Variants in SCN11A observed in about 807,000 individuals in gnomAD.
SCN11A encodes the protein sodium voltage-gated channel alpha subunit 11, also known as sodium channel protein type 11 subunit alpha.
Under a neutral mutation model 162.2 loss-of-function variants are expected in SCN11A, and 122 were observed. The observed-to-expected ratio is 0.75, with a 90% CI of 0.65 to 0.87. SCN11A has a LOEUF of 0.87. Ranked by LOEUF, SCN11A falls within the 40% of genes least tolerant of loss-of-function variation. SCN11A has a pLI of 0.00. For missense variants in SCN11A, 2,015 were observed against 2,181.6 expected (o/e 0.92, Z 1.52); for synonymous variants, 758 against 751.5 (o/e 1.01, Z -0.14).
chr3:38,886,783 T>C (rs1445185348), intron 19 of SCN11A, among the ~76,000 whole-genome samples: 1 of 151,920 alleles, frequency 6.6e-6, no homozygotes, highest in African/African-American at 2.4e-5. Context: ...TAAAGAAAAA[T>C]AATAAAACAT....
intron 14 of SCN11A, among the ~76,000 whole-genome samples, chr3:38,906,985 T>G (rs1175250497): frequency 1.3e-5 from 2 of 152,094 alleles, no homozygotes; most frequent in Non-Finnish European, 1.5e-5. Flanking sequence ...TTCTCCTGCT[T>G]GCCTTCGCTT....
rs1217474676 is a variant in SCN11A, at chr3:38,886,185, A to G, written c.2889T>C (p.Ser963=). 1.2e-6 allele frequency: 2 copies of G among 1,612,932 alleles called. No individual in the cohort carries two copies. The highest frequency in any genetic ancestry group is 2.7e-5 in the African/African-American group (2 of 74,892). ...NKKPTSQRVQ[S]VEIDMFSEDE... is the part of the protein sequence containing the mutation. ...CTTCAGAGAACATGTCAATTTCCACACTTTGAACTCTCTGGCTCGTGGGCT... is the reference window on the plus strand; with the variant it reads ...CTTCAGAGAACATGTCAATTTCCACGCTTTGAACTCTCTGGCTCGTGGGCT... Residue 963 remains serine (S), a synonymous_variant, in exon 20 of 30, where the codon AGT becomes AGC. Coordinates refer to ENST00000302328, the MANE Select transcript of SCN11A (RefSeq NM_001349253.2).
intron 20 of SCN11A, 152 bp from the exon 21 acceptor site, chr3:38,885,554 C>T (rs931193619): frequency 6.7e-6 from 4 of 600,722 alleles, no homozygotes; most frequent in Admixed American, 2.9e-5. Flanking sequence ...ACCCCTCCTG[C>T]TGGGTCCTTT....
At chr3:38,940,191 T>A (rs1402983378) in intron 7 of SCN11A, among the ~76,000 whole-genome samples, 1 of 151,846 alleles carries the variant, frequency 6.6e-6, no homozygotes, top group East Asian at 1.9e-4. Flanking sequence ...TTGTGGAAGA[T>A]CTGTATGAAG....
chr3:38,985,252 C>T (rs1422318475), intron 2 of SCN11A, among the ~76,000 whole-genome samples: 1 of 147,736 alleles, frequency 6.8e-6, no homozygotes, highest in African/African-American at 2.6e-5. Context: ...CTTAGCCTCC[C>T]GAGTAGCTGG....
intron 16 of SCN11A, among the ~76,000 whole-genome samples, chr3:38,901,875 CA>C (rs1444422011): frequency 5.3e-5 from 8 of 152,182 alleles, no homozygotes; most frequent in Non-Finnish European, 8.8e-5. Flanking sequence ...ACTTGGAAAA[CA>C]ACAATGTCCC....
intron 3 of SCN11A, among the ~76,000 whole-genome samples, chr3:38,955,192 G>T (rs527646566): frequency 2.6e-5 from 4 of 152,250 alleles, no homozygotes; most frequent in African/African-American, 7.2e-5. Flanking sequence ...GGAGGCTGAG[G>T]CACAAGAATC....
chr3:38,899,074 G>T (rs943020313), intron 17 of SCN11A, among the ~76,000 whole-genome samples: 7 of 151,950 alleles, frequency 4.6e-5, no homozygotes, highest in African/African-American at 1.5e-4. Flanking sequence ...AACTGAATGA[G>T]GTGTCTTACT....
intron 23 of SCN11A, among the ~76,000 whole-genome samples, chr3:38,875,471 A>G (rs976188811): frequency 1.3e-5 from 2 of 152,118 alleles, no homozygotes; most frequent in African/African-American, 4.8e-5. Flanking sequence ...GAGTCATCCA[A>G]AAAACTCCTA....
intron 2 of SCN11A, among the ~76,000 whole-genome samples, chr3:38,969,951 C>G (rs1029834044): frequency 6.6e-6 from 1 of 151,230 alleles, no homozygotes; most frequent in Non-Finnish European, 1.5e-5. Context: ...GGCTTGCCTG[C>G]CCCTGTGGCC....
chr3:38,939,015 A>C (rs904291501), intron 7 of SCN11A, among the ~76,000 whole-genome samples: 1 of 152,036 alleles, frequency 6.6e-6, no homozygotes, highest in Non-Finnish European at 1.5e-5. Flanking sequence ...TCTACTAAAA[A>C]TACAAAAATT....
intron 7 of SCN11A, among the ~76,000 whole-genome samples, chr3:38,939,843 T>C (rs1023054913): frequency 1.3e-5 from 2 of 150,382 alleles, no homozygotes; most frequent in East Asian, 3.9e-4. Flanking sequence ...GAGGAGGTTG[T>C]GGTGAGCCAA....
rs1367810255 is a variant in SCN11A, at chr3:39,041,022, C to T, written c.-403-8519G>A. Among the ~76,000 whole-genome samples the T allele has an allele frequency of 2.0e-5, 3 of 152,160 alleles. No individual in the cohort carries two copies. In the East Asian group the frequency reaches 5.8e-4, roughly 29 times the overall value. Reference sequence around the variant, plus strand: ...GTGTGAACCCGGGAGGAGAAGCTTGCAGTGAGCTGAGATAGCGCCACTGCA... The same window carrying T: ...GTGTGAACCCGGGAGGAGAAGCTTGTAGTGAGCTGAGATAGCGCCACTGCA... On this transcript the variant is annotated intron_variant, in intron 1 of 29. Coordinates refer to ENST00000302328, the MANE Select transcript of SCN11A (RefSeq NM_001349253.2).
At chr3:38,952,817 C>A (rs1300519554) in intron 4 of SCN11A, among the ~76,000 whole-genome samples, 1 of 152,184 alleles carries the variant, frequency 6.6e-6, no homozygotes, top group Non-Finnish European at 1.5e-5. Context: ...TGTACAGGAA[C>A]CCTCAGCTGA....
At position 38,847,726 on chromosome 3, in the gene SCN11A, G is replaced by A. The variant is rs755038120; in HGVS notation, c.4344C>T (p.Thr1448=). 2.5e-6 allele frequency: 4 copies of A among 1,595,696 alleles called. No homozygotes were observed. In the Admixed American group the frequency reaches 5.1e-5, roughly 20 times the overall value. Residue 1448 remains threonine (T), a synonymous_variant, in exon 30 of 30, where the codon ACC becomes ACT. Coordinates refer to ENST00000302328, the MANE Select transcript of SCN11A (RefSeq NM_001349253.2). Reference sequence around the variant, plus strand: ...AAGGAATGTGCTCCTGATTTTCCAAGGTAGAAATCATTGTACCTCAGGAGA... The same window carrying A: ...AAGGAATGTGCTCCTGATTTTCCAAAGTAGAAATCATTGTACCTCAGGAGA... ...LLSIVSTMIS[T]LENQEHIPFP... is the part of the protein sequence containing the mutation.
At chr3:38,935,774 C>T (rs1228661457) in intron 7 of SCN11A, among the ~76,000 whole-genome samples, 2 of 152,158 alleles carry the variant, frequency 1.3e-5, no homozygotes, top group Non-Finnish European at 2.9e-5. Context: ...GATTCACAGC[C>T]AAATTCTACC....
At chr3:38,926,229 G>C (rs6782627) in intron 8 of SCN11A, among the ~76,000 whole-genome samples, 2 of 152,188 alleles carry the variant, frequency 1.3e-5, no homozygotes, top group African/African-American at 4.8e-5. Flanking sequence ...CACCATACAT[G>C]ATAATTAACT....
At chr3:38,982,079 C>T (rs1055634377) in intron 2 of SCN11A, among the ~76,000 whole-genome samples, 1 of 151,880 alleles carries the variant, frequency 6.6e-6, no homozygotes, top group African/African-American at 2.4e-5. Flanking sequence ...CCACAAGGGA[C>T]AAGTGTGGCC....
chr3:38,935,651 C>T (rs2066319015), intron 7 of SCN11A, among the ~76,000 whole-genome samples: 1 of 152,204 alleles, frequency 6.6e-6, no homozygotes, highest in African/African-American at 2.4e-5. Context: ...TTCCTCGACA[C>T]ATACACCCTC....
Sources: allele counts gnomAD v4.1 joint callset (sites outside exome capture counted in the v4.1 genomes callset), GRCh38; gene constraint gnomAD v4.1.1; transcripts MANE v1.5; gene names NCBI Gene and HGNC (gene_info 2026-07-23, HGNC 2026-07-21).